PIGB: variants seen among roughly 807,000 people sequenced by gnomAD.
PIGB encodes the protein GPI alpha-1,2-mannosyltransferase 3.
Under a neutral mutation model 68.4 loss-of-function variants are expected in PIGB, and 58 were observed. The ratio of observed to expected loss-of-function variants is 0.85; its 90% CI spans 0.69 to 1.06. The LOEUF (loss-of-function observed/expected upper bound fraction) is 1.06. Ranked by LOEUF, PIGB falls within the 50% of genes least tolerant of loss-of-function variation. PIGB has a pLI of 0.00. For synonymous variants in PIGB, 219 were observed against 220.5 expected, an observed-to-expected ratio of 0.99 and a Z score of 0.06; for missense variants, 634 against 655.8, an observed-to-expected ratio of 0.97 and a Z score of 0.36.
chr15:55,322,542 C>T (rs766151509), intron 3 of PIGB, among the ~76,000 whole-genome samples: 168 of 152,102 alleles, frequency 1.1e-3, no homozygotes, highest in African/African-American at 3.4e-3. Flanking sequence ...GTGCTCCCCC[C>T]GATTTCTGTC....
chr15:55,352,782 T>A (rs1174969559), intron 10 of PIGB, among the ~76,000 whole-genome samples: 1 of 152,080 alleles, frequency 6.6e-6, no homozygotes. Flanking sequence ...ATACATAAAA[T>A]CTATAACTAT....
chr15:55,342,601 A>G (rs959341083), intron 9 of PIGB, among the ~76,000 whole-genome samples: 1 of 152,290 alleles, frequency 6.6e-6, no homozygotes, highest in East Asian at 1.9e-4. Flanking sequence ...CGTGTTGGCC[A>G]GGCTGGTCTC....
intron 6 of PIGB, among the ~76,000 whole-genome samples, chr15:55,338,326 A>G (rs1254566900): frequency 5.4e-4 from 82 of 152,132 alleles, no homozygotes; most frequent in Non-Finnish European, 4.4e-5. Flanking sequence ...AAGGGATGGG[A>G]TATCACTTAC....
intron 5 of PIGB, among the ~76,000 whole-genome samples, chr15:55,331,934 A>G (rs964179009): frequency 6.6e-6 from 1 of 152,010 alleles, no homozygotes; most frequent in Non-Finnish European, 1.5e-5. Context: ...GGATTCCTTC[A>G]TGACAATACC....
intron 5 of PIGB, among the ~76,000 whole-genome samples, chr15:55,331,485 G>A (rs1034162610): frequency 3.3e-5 from 5 of 152,082 alleles, no homozygotes; most frequent in Non-Finnish European, 4.4e-5. Flanking sequence ...AGGCCGAGAC[G>A]GGTGGATCAC....
At chr15:55,338,258 TC>T (rs2055582666) in intron 6 of PIGB, among the ~76,000 whole-genome samples, 1 of 152,072 alleles carries the variant, frequency 6.6e-6, no homozygotes, top group Admixed American at 6.6e-5. Context: ...TATAATCCCC[TC>T]CCCCTTGAAC....
At chr15:55,327,707 T>C (rs912398156) in intron 4 of PIGB, 72 bp downstream of exon 4, 14 of 853,356 alleles carry the variant, frequency 1.6e-5, no homozygotes, top group Non-Finnish European at 2.1e-5. Flanking sequence ...CATGGAAACA[T>C]TGATTCCCAA....
At chr15:55,326,726 G>C (rs1227525827) in intron 3 of PIGB, among the ~76,000 whole-genome samples, 1 of 151,794 alleles carries the variant, frequency 6.6e-6, no homozygotes, top group Non-Finnish European at 1.5e-5. Flanking sequence ...AATTAGCCGG[G>C]CGTGGGAGGC....
chr15:55,353,999 A>T (rs777477209), intron 10 of PIGB, among the ~76,000 whole-genome samples: 133 of 140,154 alleles, frequency 9.5e-4, no homozygotes, highest in Non-Finnish European at 1.3e-3. Context: ...CATCTTAAAT[A>T]AAAAAAAAAA....
chr15:55,329,060 G>T lies in PIGB; in HGVS notation c.523-664G>T, dbSNP rs187975159. Among the ~76,000 whole-genome samples, 19 of 152,342 alleles carry T rather than the reference G, an allele frequency of 1.2e-4. 1 individual carries two copies. The highest frequency in any genetic ancestry group is 4.6e-4 in the Admixed American group (7 of 15,306). ...TTAAAGGCTATATTTGGTGAGATGG[G>T]AAGCTAGTGCCACATGCTTAACAAT... is the stretch of plus-strand genomic sequence containing the variant. On this transcript the variant is annotated intron_variant, in intron 4 of 11. Transcript: ENST00000164305.
intron 5 of PIGB, among the ~76,000 whole-genome samples, chr15:55,332,098 C>T (rs1421653054): frequency 6.6e-6 from 1 of 151,970 alleles, no homozygotes; most frequent in Non-Finnish European, 1.5e-5. Context: ...CTTCAGCCTC[C>T]CGAGTAGCTG....
At position 55,337,345 on chromosome 15, in the gene PIGB, C is replaced by G. The variant is rs116283589; in HGVS notation, c.795-1922C>G. ...AGGGCAGGGGTCACCAGTCCCAAGGCTGTGGACTGGCCCCAGTCCATGGCC... is the reference window on the plus strand; with the variant it reads ...AGGGCAGGGGTCACCAGTCCCAAGGGTGTGGACTGGCCCCAGTCCATGGCC... On this transcript the variant is annotated intron_variant, in intron 6 of 11. Transcript: ENST00000164305. Among the ~76,000 whole-genome samples, 1,203 of 152,322 alleles carry G rather than the reference C, an allele frequency of 7.9e-3. 13 individuals carry two copies. The highest frequency in any genetic ancestry group is 0.027 in the African/African-American group (1,136 of 41,568).
At chr15:55,338,626 G>A (rs755583329) in intron 6 of PIGB, among the ~76,000 whole-genome samples, 2 of 152,032 alleles carry the variant, frequency 1.3e-5, no homozygotes, top group Non-Finnish European at 2.9e-5. Context: ...CAGCCTGGGT[G>A]ACAGAGCAAG....
chr15:55,345,496 C>T (rs755758173), intron 9 of PIGB, among the ~76,000 whole-genome samples: 13 of 152,192 alleles, frequency 8.5e-5, no homozygotes, highest in African/African-American at 1.7e-4. Context: ...CAGTGGCTGA[C>T]GCCTGTAATC....
chr15:55,332,119 C>T (rs574111356), intron 5 of PIGB, among the ~76,000 whole-genome samples: 10 of 151,906 alleles, frequency 6.6e-5, no homozygotes, highest in African/African-American at 9.7e-5. Flanking sequence ...GGACTACAGG[C>T]GCGCACCACC....
intron 3 of PIGB, among the ~76,000 whole-genome samples, chr15:55,322,148 T>C (rs951213425): frequency 6.6e-6 from 1 of 151,900 alleles, no homozygotes; most frequent in Admixed American, 6.6e-5. Context: ...CATTCTAGCC[T>C]GGGCAACAAA....
chr15:55,322,607 G>A (rs2055192586), intron 3 of PIGB, among the ~76,000 whole-genome samples: 1 of 152,146 alleles, frequency 6.6e-6, no homozygotes, highest in African/African-American at 2.4e-5. Flanking sequence ...GACGTGTTTT[G>A]TGTAGCTTAG....
chr15:55,321,850 C>G (rs2055174497), intron 3 of PIGB, among the ~76,000 whole-genome samples: 1 of 148,032 alleles, frequency 6.8e-6, no homozygotes, highest in Non-Finnish European at 1.5e-5. Context: ...TGGGGTTTCT[C>G]TGTGTTGGTC....
intron 5 of PIGB, among the ~76,000 whole-genome samples, chr15:55,331,807 G>T (rs928901075): frequency 1.3e-5 from 2 of 151,976 alleles, no homozygotes; most frequent in African/African-American, 2.4e-5. Context: ...GCCTCTTAAA[G>T]CGTTGGGATT....
Sources: allele counts gnomAD v4.1 joint callset (sites outside exome capture counted in the v4.1 genomes callset), GRCh38; gene constraint gnomAD v4.1.1; transcripts MANE v1.5; gene names NCBI Gene and HGNC (gene_info 2026-07-23, HGNC 2026-07-21).